Variants in ANKFN1 observed in about 807,000 individuals in gnomAD.
ANKFN1 encodes the protein ankyrin repeat and fibronectin type III domain containing 1.
In ANKFN1, 74 loss-of-function variants were observed where a neutral mutation model predicts 108.7. That is an observed-to-expected ratio of 0.68 (90% CI 0.56 to 0.83). ANKFN1 has a LOEUF of 0.83. Ranked by LOEUF, ANKFN1 falls within the 40% of genes least tolerant of loss-of-function variation. ANKFN1 has a pLI of 0.00. For synonymous variants in ANKFN1, 547 were observed against 516.2 expected (o/e 1.06, Z -0.81); for missense variants, 1,505 against 1,382.3 (o/e 1.09, Z -1.41).
At chr17:56,317,976 G>A (rs2045256053) in intron 3 of ANKFN1, among the ~76,000 whole-genome samples, 1 of 152,110 alleles carries the variant, frequency 6.6e-6, no homozygotes, top group Admixed American at 6.6e-5. Context: ...CCTAATATGG[G>A]AAACAATGAT....
rs1390774576 is a variant in ANKFN1 at position 56,515,094 on chromosome 17, A to G, written c.*3825A>G. Reference sequence around the variant, plus strand: ...CAGCTTAAGTGAGTTCTCCAAGAGAAGGTATGTCTGCAACGCATTTAAGTT... The same window carrying G: ...CAGCTTAAGTGAGTTCTCCAAGAGAGGGTATGTCTGCAACGCATTTAAGTT... On this transcript the variant is annotated 3_prime_UTR_variant, in exon 21 of 21. Coordinates refer to ENST00000682825, the MANE Select transcript of ANKFN1 (RefSeq NM_001370326.1). 2.6e-5 allele frequency among the ~76,000 whole-genome samples: 4 copies of G among 152,014 alleles called. No individual in the cohort carries two copies. In the East Asian group the frequency reaches 7.8e-4, roughly 29 times the overall value.
At chr17:56,301,259 C>G (rs1374852090) in intron 3 of ANKFN1, among the ~76,000 whole-genome samples, 2 of 152,210 alleles carry the variant, frequency 1.3e-5, no homozygotes. Context: ...CATGTCACCT[C>G]TTCCACCCTC....
At chr17:56,308,595 C>T (rs2044914941) in intron 3 of ANKFN1, among the ~76,000 whole-genome samples, 2 of 152,166 alleles carry the variant, frequency 1.3e-5, no homozygotes, top group East Asian at 3.9e-4. Context: ...CTGACTAGAA[C>T]TCACAAAATT....
intron 3 of ANKFN1, among the ~76,000 whole-genome samples, chr17:56,321,858 CTCAAGGACTGAAGT>C (rs1400165035): frequency 2.0e-5 from 3 of 152,166 alleles, no homozygotes; most frequent in African/African-American, 7.2e-5. Context: ...TGAGGGGCAG[CTCAAGGACTGAAGT>C]TCAAACTCCC....
At chr17:56,126,791 C>G (rs142235366) in intron 4 of ANKFN1, among the ~76,000 whole-genome samples, 11 of 152,200 alleles carry the variant, frequency 7.2e-5, no homozygotes, top group Non-Finnish European at 4.4e-5. Flanking sequence ...GAAACAGCAC[C>G]AGGCTTTAAG....
intron 6 of ANKFN1, among the ~76,000 whole-genome samples, chr17:56,357,044 G>T (rs2046394617): frequency 6.6e-6 from 1 of 152,120 alleles, no homozygotes; most frequent in African/African-American, 2.4e-5. Context: ...TTGTTCAAGA[G>T]ATCCCTGGTT....
At chr17:56,394,620 C>T (rs2047527069) in intron 8 of ANKFN1, among the ~76,000 whole-genome samples, 1 of 152,116 alleles carries the variant, frequency 6.6e-6, no homozygotes, top group Non-Finnish European at 1.5e-5. Flanking sequence ...TCACTTATCC[C>T]CTGGGAGCCT....
At chr17:56,325,240 C>G (rs902254491) in intron 3 of ANKFN1, among the ~76,000 whole-genome samples, 1 of 149,322 alleles carries the variant, frequency 6.7e-6, no homozygotes, top group African/African-American at 2.5e-5. Flanking sequence ...TAGAAAGATT[C>G]TTAATGCTGT....
chr17:56,151,111 A>G (rs1908576784), upstream of ANKFN1, among the ~76,000 whole-genome samples: 1 of 152,110 alleles, frequency 6.6e-6, no homozygotes. Flanking sequence ...CTGCTCACTC[A>G]GTGTGCAGCC....
intron 4 of ANKFN1, among the ~76,000 whole-genome samples, chr17:56,330,390 G>A (rs916132923): frequency 5.9e-5 from 9 of 152,126 alleles, no homozygotes; most frequent in Non-Finnish European, 8.8e-5. Context: ...CCGCCCCCAC[G>A]ATTCAATTAT....
intron 1 of ANKFN1, among the ~76,000 whole-genome samples, chr17:56,165,355 C>T (rs182400499): frequency 6.6e-6 from 1 of 152,244 alleles, no homozygotes; most frequent in Non-Finnish European, 1.5e-5. Flanking sequence ...TTCTATATTA[C>T]ACAAGACCAC....
chr17:56,455,562 A>G (rs1025673300), intron 11 of ANKFN1, among the ~76,000 whole-genome samples: 2 of 152,186 alleles, frequency 1.3e-5, no homozygotes, highest in Non-Finnish European at 2.9e-5. Flanking sequence ...CCATATTCTC[A>G]TCTCCAGTGA....
At chr17:56,189,179 T>TTTTTTTTTG (rs1555607730) in intron 1 of ANKFN1, among the ~76,000 whole-genome samples, 9 of 111,400 alleles carry the variant, frequency 8.1e-5, no homozygotes, top group African/African-American at 2.9e-4. Context: ...ACTTTTTTTT[T>TTTTTTTTTG]TTTTTTTTTG....
chr17:56,323,951 G>A (rs915931358), intron 3 of ANKFN1, among the ~76,000 whole-genome samples: 1 of 152,156 alleles, frequency 6.6e-6, no homozygotes, highest in African/African-American at 2.4e-5. Flanking sequence ...ACAGAGCAGG[G>A]ACCCTAACAG....
intron 4 of ANKFN1, among the ~76,000 whole-genome samples, chr17:56,122,853 G>A (rs754365229): frequency 3.9e-5 from 6 of 152,186 alleles, no homozygotes; most frequent in Non-Finnish European, 8.8e-5. Flanking sequence ...GTTACCTGTT[G>A]TTTTTTCAGG....
intron 16 of ANKFN1, among the ~76,000 whole-genome samples, chr17:56,479,542 A>G (rs746172905): frequency 6.6e-5 from 10 of 152,370 alleles, no homozygotes; most frequent in African/African-American, 1.7e-4. Context: ...TAAATTTTCC[A>G]TAGTCTTGTC....
intron 3 of ANKFN1, among the ~76,000 whole-genome samples, chr17:56,234,606 G>T (rs971599033): frequency 6.6e-6 from 1 of 151,970 alleles, no homozygotes; most frequent in Non-Finnish European, 1.5e-5. Flanking sequence ...TGCAGTATTT[G>T]GTTTTCTGTT....
chr17:56,055,575 ATATATATATATATG>A lies in ANKFN1; in HGVS notation c.288+9259_288+9272del, dbSNP rs879737251. On this transcript the variant is annotated intron_variant, in intron 4 of 12. Transcript: ENST00000635860. ...GTGTGTGGTATATATACATATATAT[ATATATATATATATG>A]TATATATACACATTTTTTTATCCAG... Among the ~76,000 whole-genome samples the A allele has an allele frequency of 5.5e-4, 58 of 106,202 alleles. 9 individuals are homozygous for A. The highest frequency in any genetic ancestry group is 2.1e-3 in the East Asian group (9 of 4,358). 69.7% of individuals were successfully genotyped at this position (106,202 alleles called of 152,430 possible).
At chr17:56,491,950 A>G (rs1268283255) in intron 18 of ANKFN1, among the ~76,000 whole-genome samples, 2 of 152,182 alleles carry the variant, frequency 1.3e-5, no homozygotes, top group East Asian at 3.9e-4. Context: ...AGCTTTAGCC[A>G]ACCCCACTTC....
Sources: gnomAD v4.1 joint callset for allele counts (sites outside exome capture counted in the v4.1 genomes callset) on GRCh38, gnomAD v4.1.1 for gene constraint, MANE v1.5 for transcripts, NCBI Gene and HGNC (gene_info 2026-07-23, HGNC 2026-07-21) for gene names.